The following NALF1 variants were observed in gnomAD, a reference collection of about 807,000 sequenced individuals.
NALF1 encodes the protein NALCN channel auxiliary factor 1.
NALF1 carries 3 observed loss-of-function variants against 48.4 expected under a neutral mutation model. That is an observed-to-expected ratio of 0.06 (90% CI 0.03 to 0.16). NALF1 has a LOEUF of 0.16. Ranked by LOEUF, NALF1 falls within the 10% of genes least tolerant of loss-of-function variation. The pLI is 1.00. For missense variants in NALF1, 526 were observed against 571.5 expected (o/e 0.92, Z 0.81); for synonymous variants, 262 against 245.7 (o/e 1.07, Z -0.62).
intron 1 of NALF1, among the ~76,000 whole-genome samples, chr13:107,499,428 G>A (rs894828478): frequency 3.3e-5 from 5 of 151,936 alleles, no homozygotes; most frequent in African/African-American, 4.8e-5. Flanking sequence ...CACTGCAGCC[G>A]CAAACTCCTG....
intron 1 of NALF1, among the ~76,000 whole-genome samples, chr13:107,564,264 A>G (rs1166111941): frequency 6.6e-6 from 1 of 152,188 alleles, no homozygotes; most frequent in East Asian, 1.9e-4. Flanking sequence ...AATGATTCTA[A>G]CTTTATTTTT....
intron 1 of NALF1, among the ~76,000 whole-genome samples, chr13:107,710,058 A>C (rs997823858): frequency 1.3e-5 from 2 of 152,098 alleles, no homozygotes; most frequent in Non-Finnish European, 2.9e-5. Context: ...TCAAGGTTGC[A>C]GTGAGCTATG....
At position 107,337,097 on chromosome 13, in the gene NALF1, C is replaced by T. The variant is rs993117573; in HGVS notation, c.916-126342G>A. Among the ~76,000 whole-genome samples the T allele has an allele frequency of 4.2e-5, 6 of 142,228 alleles. No homozygotes were observed. The South Asian group carries it at 1.4e-3, about 33-fold the overall frequency. 93.3% of individuals were successfully genotyped at this position (142,228 alleles called of 152,430 possible). The stretch of plus-strand genomic sequence containing the variant: ...AAAAAATGTCAGAAGAAAAGAGACT[C>T]TTTAGGCCACATCACGGCATGGCTT... On this transcript the variant is annotated intron_variant, in intron 1 of 2. Coordinates refer to ENST00000375915, the MANE Select transcript of NALF1 (RefSeq NM_001080396.3).
At chr13:107,178,862 G>C (rs888009334) in intron 2 of NALF1, among the ~76,000 whole-genome samples, 3 of 151,934 alleles carry the variant, frequency 2.0e-5, no homozygotes, top group African/African-American at 7.2e-5. Flanking sequence ...GGAGAATGGC[G>C]TGAACCCAGG....
At chr13:107,663,424 G>A (rs3905077) in intron 1 of NALF1, among the ~76,000 whole-genome samples, 150,471 of 152,310 alleles carry the variant, frequency 0.99, 74,353 homozygotes, top group East Asian at 1. Context: ...AAAACACACA[G>A]TTAAGGCCTC....
chr13:107,314,253 T>G (rs1882101267), intron 1 of NALF1, among the ~76,000 whole-genome samples: 1 of 152,144 alleles, frequency 6.6e-6, no homozygotes, highest in African/African-American at 2.4e-5. Context: ...CTAATTAGGC[T>G]TTAGGCCCCC....
chr13:107,718,739 G>C lies in NALF1; in HGVS notation c.915+146943C>G, dbSNP rs192196017. On this transcript the variant is annotated intron_variant, in intron 1 of 2. Coordinates refer to ENST00000375915, the MANE Select transcript of NALF1 (RefSeq NM_001080396.3). ...CAAATACTTATTTCACCCCTACTCT[G>C]AACCAGGCCCTGCGCTTTCTAATAT... Among the ~76,000 whole-genome samples the C allele has an allele frequency of 2.0e-5, 3 of 152,198 alleles. No individual in the cohort carries two copies. The East Asian group carries it at 5.8e-4, about 29-fold the overall frequency.
At chr13:107,613,397 G>A (rs1438512183) in intron 1 of NALF1, among the ~76,000 whole-genome samples, 2 of 152,306 alleles carry the variant, frequency 1.3e-5, no homozygotes, top group East Asian at 1.9e-4. Flanking sequence ...GCCAACTGGG[G>A]AATGCCTTTC....
chr13:107,323,119 G>A (rs907922781), intron 1 of NALF1, among the ~76,000 whole-genome samples: 1 of 152,110 alleles, frequency 6.6e-6, no homozygotes, highest in Non-Finnish European at 1.5e-5. Context: ...GCAAGGACCA[G>A]TTAAGAGACC....
At chr13:107,348,292 GA>G (rs946712592) in intron 1 of NALF1, among the ~76,000 whole-genome samples, 1 of 152,082 alleles carries the variant, frequency 6.6e-6, no homozygotes. Flanking sequence ...TAAATTATTG[GA>G]TTTTTTTAAA....
chr13:107,502,669 G>C (rs1875560896), intron 1 of NALF1, among the ~76,000 whole-genome samples: 1 of 152,076 alleles, frequency 6.6e-6, no homozygotes, highest in African/African-American at 2.4e-5. Flanking sequence ...ACACATTCCA[G>C]ATATTACATA....
At chr13:107,599,354 G>A (rs1385667347) in intron 1 of NALF1, among the ~76,000 whole-genome samples, 4 of 151,604 alleles carry the variant, frequency 2.6e-5, no homozygotes, top group East Asian at 1.9e-4. Context: ...CCTGGGAGGC[G>A]GAGCTTGCAG....
chr13:107,370,195 G>C (rs1490997046), intron 1 of NALF1, among the ~76,000 whole-genome samples: 1 of 152,190 alleles, frequency 6.6e-6, no homozygotes, highest in Non-Finnish European at 1.5e-5. Context: ...GGGGACGTTA[G>C]CTTTCCTGCA....
At chr13:107,708,057 A>G (rs1875455790) in intron 1 of NALF1, among the ~76,000 whole-genome samples, 1 of 151,974 alleles carries the variant, frequency 6.6e-6, no homozygotes, top group Non-Finnish European at 1.5e-5. Context: ...AAGAAATAAT[A>G]AATACAGTCA....
chr13:107,597,698 T>A (rs1024498508), intron 1 of NALF1, among the ~76,000 whole-genome samples: 1 of 152,324 alleles, frequency 6.6e-6, no homozygotes, highest in Admixed American at 6.5e-5. Flanking sequence ...AGTAGAAACT[T>A]ACTGAGACCA....
chr13:107,250,876 C>T (rs1036470868), intron 1 of NALF1, among the ~76,000 whole-genome samples: 2 of 152,080 alleles, frequency 1.3e-5, no homozygotes, highest in African/African-American at 4.8e-5. Context: ...TGTAGCACCT[C>T]CCCCTTCACT....
intron 1 of NALF1, among the ~76,000 whole-genome samples, chr13:107,655,484 A>C (rs1295441133): frequency 6.6e-6 from 1 of 152,090 alleles, no homozygotes; most frequent in Admixed American, 6.6e-5. Context: ...GGAAAACTAC[A>C]AAACACTGCT....
Position 107,536,229 on chromosome 13 carries a change from G to C in NALF1, c.916-325474C>G, listed in dbSNP as rs577094898. Among the ~76,000 whole-genome samples the C allele has an allele frequency of 2.0e-3, 303 of 152,236 alleles. 2 individuals are homozygous for C. The highest frequency in any genetic ancestry group is 7.1e-3 in the African/African-American group (295 of 41,554). ...AACAAAAGCCAAAATTGACAAATGG[G>C]ATCTAATTAAACTAAAGAGCTCCTG... is the stretch of plus-strand genomic sequence containing the variant. On this transcript the variant is annotated intron_variant, in intron 1 of 2. Coordinates refer to ENST00000375915, the MANE Select transcript of NALF1 (RefSeq NM_001080396.3).
intron 1 of NALF1, among the ~76,000 whole-genome samples, chr13:107,344,625 A>G (rs1196234847): frequency 6.6e-6 from 1 of 152,202 alleles, no homozygotes; most frequent in African/African-American, 2.4e-5. Flanking sequence ...GACAAAATCC[A>G]ACATGCTTTC....
Sources: gnomAD v4.1 joint callset for allele counts (sites outside exome capture counted in the v4.1 genomes callset) on GRCh38, gnomAD v4.1.1 for gene constraint, MANE v1.5 for transcripts, NCBI Gene and HGNC (gene_info 2026-07-23, HGNC 2026-07-21) for gene names.